The following N4BP2L2 variants were observed in gnomAD, a reference collection of about 807,000 sequenced individuals.
N4BP2L2 encodes the protein NEDD4 binding protein 2 like 2, also known as NEDD4-binding protein 2-like 2.
A neutral mutation model predicts 56.2 loss-of-function variants in N4BP2L2; 50 were observed. That is an observed-to-expected ratio of 0.89 (90% CI 0.71 to 1.13). The LOEUF (loss-of-function observed/expected upper bound fraction) is 1.13. Among genes scored for constraint, N4BP2L2 ranks in the 50% most tolerant of loss-of-function variants. The pLI, the probability that N4BP2L2 is intolerant of heterozygous loss-of-function variation, is 0.00. For synonymous variants in N4BP2L2, 203 were observed against 223.6 expected (o/e 0.91, Z 0.82); for missense variants, 689 against 693.8 (o/e 0.99, Z 0.08).
chr13:32,493,386 A>C (rs995996930), intron 6 of N4BP2L2, among the ~76,000 whole-genome samples: 1 of 152,200 alleles, frequency 6.6e-6, no homozygotes, highest in East Asian at 1.9e-4. Context: ...ATAAAAATAA[A>C]AACAACAACA....
intron 6 of N4BP2L2, among the ~76,000 whole-genome samples, chr13:32,449,621 G>A (rs11147495): frequency 3.3e-5 from 5 of 152,078 alleles, no homozygotes; most frequent in Non-Finnish European, 7.4e-5. Context: ...CCAGCTTTCT[G>A]TCCCAATCAT....
chr13:32,536,079 A>G, exon 2 of N4BP2L2: 1 of 1,613,856 alleles, frequency 6.2e-7, no homozygotes, highest in Non-Finnish European at 8.5e-7. Context: ...TTTACATAAT[A>G]TCCATTTTGT....
intron 2 of N4BP2L2, 135 bp from the exon 3 acceptor site, chr13:32,527,667 T>G: frequency 7.5e-6 from 7 of 936,904 alleles, no homozygotes; most frequent in Non-Finnish European, 9.5e-6. Flanking sequence ...GATACTTACC[T>G]GAAAGTATAT....
rs1326707605 is a variant in N4BP2L2 at position 32,480,593 on chromosome 13, A to T, written c.366-36467T>A. On this transcript the variant is annotated intron_variant, in intron 6 of 9. Transcript: ENST00000357505. ...TTACTTGGAGTTTCCATCTCACCTGAGTTGCTGTCTTACTAGGAAACATTT... is the reference window on the plus strand; with the variant it reads ...TTACTTGGAGTTTCCATCTCACCTGTGTTGCTGTCTTACTAGGAAACATTT... 3.1e-6 allele frequency: 4 copies of T among 1,281,350 alleles called. No homozygotes were observed. In the South Asian group the frequency reaches 5.0e-5, roughly 16 times the overall value. The allele number at this position is 1,281,350 out of a possible 1,614,324, so 79.4% of individuals were successfully genotyped here.
intron 6 of N4BP2L2, among the ~76,000 whole-genome samples, chr13:32,500,865 C>CTTTTTT (rs368419149): frequency 9.4e-5 from 12 of 127,396 alleles, no homozygotes; most frequent in Non-Finnish European, 1.5e-4. Flanking sequence ...TTAGTCTTTT[C>CTTTTTT]TTTTTTTTTT....
intron 7 of N4BP2L2, among the ~76,000 whole-genome samples, chr13:32,440,837 C>T (rs565322338): frequency 3.3e-5 from 5 of 149,484 alleles, no homozygotes; most frequent in African/African-American, 7.4e-5. Flanking sequence ...TTTTTCATTT[C>T]CAAAAATAAC....
At chr13:32,446,923 T>G (rs1467809023) in intron 6 of N4BP2L2, among the ~76,000 whole-genome samples, 1 of 151,346 alleles carries the variant, frequency 6.6e-6, no homozygotes, top group Non-Finnish European at 1.5e-5. Flanking sequence ...TACAGAGAAG[T>G]TGAAGAATGT....
chr13:32,478,029 C>G, intron 6 of N4BP2L2: 1 of 1,289,308 alleles, frequency 7.8e-7, no homozygotes, highest in Non-Finnish European at 1.0e-6. Flanking sequence ...AGAACCTCAT[C>G]CCCATTAGTC....
intron 6 of N4BP2L2, among the ~76,000 whole-genome samples, chr13:32,466,994 G>C (rs1327065921): frequency 3.9e-5 from 6 of 152,042 alleles, no homozygotes. Flanking sequence ...ATTTTAGTAA[G>C]GCATTTTAAA....
chr13:32,516,180 G>A (rs2049171188), exon 6 of N4BP2L2: 1 of 151,980 alleles, frequency 6.6e-6, no homozygotes, highest in Non-Finnish European at 1.5e-5. Flanking sequence ...CTAATCTACA[G>A]AATAAAATAC....
At chr13:32,528,182 T>C (rs2053635186) in intron 2 of N4BP2L2, among the ~76,000 whole-genome samples, 1 of 152,212 alleles carries the variant, frequency 6.6e-6, no homozygotes, top group South Asian at 2.1e-4. Context: ...TATATTTTTA[T>C]TTGCCTCAAT....
chr13:32,470,581 G>A (rs1222616663), intron 6 of N4BP2L2, among the ~76,000 whole-genome samples: 1 of 152,166 alleles, frequency 6.6e-6, no homozygotes, highest in African/African-American at 2.4e-5. Context: ...AGGGAGCTGA[G>A]CTCTCATACT....
intron 6 of N4BP2L2, among the ~76,000 whole-genome samples, chr13:32,498,925 G>A (rs1402171782): frequency 6.7e-6 from 1 of 148,204 alleles, no homozygotes; most frequent in Admixed American, 6.7e-5. Context: ...GGAGATGGAG[G>A]TTGCACTGAG....
exon 2 of N4BP2L2, chr13:32,536,727 C>T: frequency 2.5e-6 from 4 of 1,614,134 alleles, no homozygotes; most frequent in Non-Finnish European, 3.4e-6. Context: ...TCCTGTAAAA[C>T]CTGTGAATCA....
At chr13:32,495,637 CCAG>C (rs2088396364) in intron 6 of N4BP2L2, among the ~76,000 whole-genome samples, 15 of 152,108 alleles carry the variant, frequency 9.9e-5, no homozygotes, top group Admixed American at 9.8e-4. Flanking sequence ...GGCCTGGTAC[CCAG>C]CAGGAGACAC....
chr13:32,499,046 A>G (rs1228862315), intron 6 of N4BP2L2, among the ~76,000 whole-genome samples: 1 of 152,202 alleles, frequency 6.6e-6, no homozygotes, highest in South Asian at 2.1e-4. Context: ...TTGCATGAAT[A>G]AATACATTAC....
At chr13:32,511,904 ATT>A (rs1271886704) in exon 6 of N4BP2L2, 1 of 152,058 alleles carries the variant, frequency 6.6e-6, no homozygotes, top group Non-Finnish European at 1.5e-5. Flanking sequence ...TCCTGAGTAA[ATT>A]TTCTTTCATT....
chr13:32,526,508 G>A (rs2052840163), intron 3 of N4BP2L2, among the ~76,000 whole-genome samples: 1 of 152,110 alleles, frequency 6.6e-6, no homozygotes, highest in South Asian at 2.1e-4. Context: ...CAAACAAAAA[G>A]ATAAAAGCCC....
At chr13:32,493,745 T>C (rs1030912648) in intron 6 of N4BP2L2, among the ~76,000 whole-genome samples, 9 of 152,256 alleles carry the variant, frequency 5.9e-5, no homozygotes, top group African/African-American at 1.9e-4. Context: ...CTGAGGCATA[T>C]AACTGCCTGA....
Sources: gnomAD v4.1 joint callset for allele counts (sites outside exome capture counted in the v4.1 genomes callset) on GRCh38, gnomAD v4.1.1 for gene constraint, MANE v1.5 for transcripts, NCBI Gene and HGNC (gene_info 2026-07-23, HGNC 2026-07-21) for gene names.